The following GPHN variants were observed in gnomAD, a reference collection of about 807,000 sequenced individuals.
GPHN encodes gephyrin.
Under a neutral mutation model 95.5 loss-of-function variants are expected in GPHN, and 17 were observed. The observed-to-expected ratio is 0.18, with a 90% CI of 0.12 to 0.27. GPHN has a LOEUF of 0.27. Among genes scored for constraint, GPHN ranks in the 10% least tolerant of loss-of-function variants. The pLI, the probability that GPHN is intolerant of heterozygous loss-of-function variation, is 1.00. For missense variants in GPHN, 660 were observed against 978.1 expected, an observed-to-expected ratio of 0.67 and a Z score of 4.34; for synonymous variants, 320 against 322.5, an observed-to-expected ratio of 0.99 and a Z score of 0.08.
chr14:67,451,248 G>A, the GPHN span, among the ~76,000 whole-genome samples: 1 of 152,224 alleles, frequency 6.6e-6, no homozygotes, highest in East Asian at 1.9e-4. Flanking sequence ...ACCTCTGCTA[G>A]GGCATTGTGG....
chr14:67,666,792 G>A, the GPHN span, among the ~76,000 whole-genome samples: 1 of 152,208 alleles, frequency 6.6e-6, no homozygotes, highest in Admixed American at 6.5e-5. Flanking sequence ...GTTCTGGAAT[G>A]CAAGTGTGCT....
chr14:67,334,134 A>G, the GPHN span: 1 of 152,654 alleles, frequency 6.6e-6, no homozygotes, highest in African/African-American at 2.4e-5. Flanking sequence ...TTTTAGGAAA[A>G]GAATATTGGA....
chr14:67,229,632 C>T, the GPHN span, among the ~76,000 whole-genome samples: 6 of 151,642 alleles, frequency 4.0e-5, no homozygotes, highest in South Asian at 2.1e-4. Flanking sequence ...GTAAAATATA[C>T]GCCAGATTTG....
At chr14:67,343,962 C>A in the GPHN span, among the ~76,000 whole-genome samples, 1 of 152,180 alleles carries the variant, frequency 6.6e-6, no homozygotes, top group African/African-American at 2.4e-5. Context: ...TCCAAATTAA[C>A]CTGCCTGGGC....
chr14:67,286,706 A>G, the GPHN span, among the ~76,000 whole-genome samples: 1 of 151,408 alleles, frequency 6.6e-6, no homozygotes, highest in African/African-American at 2.4e-5. Flanking sequence ...AAAAAATACA[A>G]AAATAGCCAG....
At chr14:66,969,762 C>G (rs1306037960) in intron 9 of GPHN, 1 of 148,928 alleles carries the variant, frequency 6.7e-6, no homozygotes, top group Non-Finnish European at 1.5e-5. Flanking sequence ...GATCAAGCCA[C>G]TGCAGTCCAT....
At chr14:67,353,933 C>T in the GPHN span, 1 of 150,862 alleles carries the variant, frequency 6.6e-6, no homozygotes, top group Non-Finnish European at 1.5e-5. Context: ...GGATTATGGG[C>T]ATGAACCACT....
At chr14:66,926,108 T>C (rs1450568118) in intron 8 of GPHN, among the ~76,000 whole-genome samples, 1 of 152,228 alleles carries the variant, frequency 6.6e-6, no homozygotes, top group Non-Finnish European at 1.5e-5. Context: ...GTTTTATGTT[T>C]TTTCCTATAG....
intron 1 of GPHN, chr14:66,509,027 T>G: frequency 4.3e-6 from 1 of 234,756 alleles, no homozygotes; most frequent in Non-Finnish European, 8.4e-6. Context: ...CTTCCTCTCC[T>G]TCCCTTCCCC....
At chr14:66,589,859 C>T (rs562501110) in intron 1 of GPHN, among the ~76,000 whole-genome samples, 6 of 152,254 alleles carry the variant, frequency 3.9e-5, no homozygotes, top group East Asian at 3.9e-4. Context: ...ACTCTCCACC[C>T]GAAACCAACA....
At chr14:66,589,417 C>T (rs137927560) in intron 1 of GPHN, among the ~76,000 whole-genome samples, 1 of 151,888 alleles carries the variant, frequency 6.6e-6, no homozygotes, top group Non-Finnish European at 1.5e-5. Flanking sequence ...GGCTAAATGC[C>T]CCAATTAAAA....
chr14:67,278,408 A>C, the GPHN span, among the ~76,000 whole-genome samples: 1 of 150,408 alleles, frequency 6.6e-6, no homozygotes, highest in Non-Finnish European at 1.5e-5. Context: ...GTCTCAATGT[A>C]GTTTTGTCCT....
intron 9 of GPHN, among the ~76,000 whole-genome samples, chr14:67,003,632 A>G (rs2072398385): frequency 6.6e-6 from 1 of 151,682 alleles, no homozygotes; most frequent in Non-Finnish European, 1.5e-5. Flanking sequence ...AGCATCATCA[A>G]TCACTGTTTG....
At chr14:66,962,511 A>G (rs1056603666) in intron 8 of GPHN, among the ~76,000 whole-genome samples, 1 of 151,734 alleles carries the variant, frequency 6.6e-6, no homozygotes, top group African/African-American at 2.4e-5. Context: ...TCCTAAAGTC[A>G]TCTTTATCAC....
At chr14:67,604,233 A>G in the GPHN span, among the ~76,000 whole-genome samples, 6 of 152,222 alleles carry the variant, frequency 3.9e-5, no homozygotes, top group African/African-American at 1.2e-4. Flanking sequence ...ATTTAAGGAA[A>G]TGTTTTAATT....
At chr14:67,046,968 A>G (rs1390798173) in intron 10 of GPHN, among the ~76,000 whole-genome samples, 3 of 152,162 alleles carry the variant, frequency 2.0e-5, no homozygotes, top group African/African-American at 4.8e-5. Context: ...ACTATTACCT[A>G]TCTTTGCTCT....
intron 9 of GPHN, among the ~76,000 whole-genome samples, chr14:66,994,259 G>A (rs968001306): frequency 6.6e-5 from 10 of 152,012 alleles, no homozygotes; most frequent in South Asian, 2.1e-4. Context: ...CCACTTACTC[G>A]GAAGGCTGAA....
the GPHN span, chr14:67,646,490 T>C: frequency 1.7e-6 from 1 of 586,906 alleles, no homozygotes; most frequent in East Asian, 2.9e-5. Flanking sequence ...CTTGTGTCAC[T>C]TCTCCTTCCC....
the GPHN span, among the ~76,000 whole-genome samples, chr14:67,238,794 C>T: frequency 1.3e-5 from 2 of 151,992 alleles, no homozygotes; most frequent in African/African-American, 4.8e-5. Context: ...TAAGCACACA[C>T]CATCATGCCC....
Sources: allele counts gnomAD v4.1 joint callset (sites outside exome capture counted in the v4.1 genomes callset), GRCh38; gene constraint gnomAD v4.1.1; transcripts MANE v1.5; gene names NCBI Gene and HGNC (gene_info 2026-07-23, HGNC 2026-07-21).